DPY19L2: variants seen among roughly 807,000 people sequenced by gnomAD.
The protein encoded by DPY19L2 is probable C-mannosyltransferase DPY19L2.
In DPY19L2, 34 loss-of-function variants were observed where a neutral mutation model predicts 97.9. That is an observed-to-expected ratio of 0.35 (90% CI 0.26 to 0.46). The LOEUF is 0.46. DPY19L2 is among the 20% of genes least tolerant of loss of function. DPY19L2 has a pLI of 1.00. For missense variants in DPY19L2, 623 were observed against 911.4 expected, an observed-to-expected ratio of 0.68 and a Z score of 4.07; for synonymous variants, 230 against 307.9, an observed-to-expected ratio of 0.75 and a Z score of 2.65.
intron 4 of DPY19L2, among the ~76,000 whole-genome samples, chr12:63,647,582 T>C (rs1893595069): frequency 6.6e-6 from 1 of 152,142 alleles, no homozygotes; most frequent in Non-Finnish European, 1.5e-5. Flanking sequence ...TAAAAAGCTT[T>C]ATAGATTCAA....
intron 15 of DPY19L2, among the ~76,000 whole-genome samples, chr12:63,595,066 G>C (rs372728756): frequency 1.3e-5 from 2 of 152,182 alleles, no homozygotes. Context: ...CAGAGATGTC[G>C]AGGGAGATAC....
rs189355971 is a variant in DPY19L2, at chr12:63,591,580, C to T, written c.1580+2507G>A. Among the ~76,000 whole-genome samples, 260 of 152,100 alleles carry T rather than the reference C, an allele frequency of 1.7e-3. 1 individual carries two copies. Among genetic ancestry groups the T allele is most frequent in the African/African-American group, 5.4e-3 (226 of 41,476 alleles). ...GCAATTTACTTATGTGTGACTGATA[C>T]GATACATTTTGCTGGCATCTGCTTA... On this transcript the variant is annotated intron_variant, in intron 16 of 21. Transcript: ENST00000324472.
intron 16 of DPY19L2, among the ~76,000 whole-genome samples, chr12:63,587,945 T>C (rs192732559): frequency 0.022 from 3,378 of 152,250 alleles, 85 homozygotes; most frequent in African/African-American, 0.057. Flanking sequence ...AATCACAGAC[T>C]ACACAGAAAT....
intron 1 of DPY19L2, 133 bp from the exon 2 acceptor site, chr12:63,665,992 G>A (rs749756310): frequency 2.3e-6 from 2 of 856,620 alleles, no homozygotes; most frequent in Non-Finnish European, 3.5e-6. Context: ...AGCTAATCCT[G>A]TCTCTAAGAG....
At position 63,597,836 on chromosome 12, in the gene DPY19L2, A is replaced by G. The variant is rs1211253902; in HGVS notation, c.1434T>C (p.Ala478=). 6.2e-7 allele frequency: 1 copy of G among 1,610,382 alleles called. No homozygotes were observed. Among genetic ancestry groups the G allele is most frequent in the African/African-American group, 1.3e-5 (1 of 74,744 alleles). The change falls in exon 14 of 22, where the codon GCT becomes GCC. Residue 478 remains alanine (A), a synonymous_variant. Coordinates refer to ENST00000324472, the MANE Select transcript of DPY19L2 (RefSeq NM_173812.5). Reference sequence around the variant, plus strand: ...CTTTTTCCATGAAGTCAAATTCGGGAGCACAGGTATATATTAAAGTATCAA... The same window carrying G: ...CTTTTTCCATGAAGTCAAATTCGGGGGCACAGGTATATATTAAAGTATCAA... The part of the protein sequence containing the change: ...TDFDTLIYTC[A]PEFDFMEKAT...
chr12:63,630,452 G>T (rs1408001203), intron 6 of DPY19L2, among the ~76,000 whole-genome samples: 4 of 151,886 alleles, frequency 2.6e-5, no homozygotes, highest in Admixed American at 2.6e-4. Context: ...AACCAACAAA[G>T]ATCAAAAAAG....
rs1171781654 is a variant in DPY19L2 at position 63,652,319 on chromosome 12, TG to T, written c.589-4955del. Among the ~76,000 whole-genome samples, 11 of 152,302 alleles carry T rather than the reference TG, an allele frequency of 7.2e-5. No homozygotes were observed. In the East Asian group the frequency reaches 2.1e-3, roughly 29 times the overall value. On this transcript the variant is annotated intron_variant, in intron 4 of 21. Coordinates refer to ENST00000324472, the MANE Select transcript of DPY19L2 (RefSeq NM_173812.5). Reference sequence around the variant, plus strand: ...AGAAAAGGGGATGCTTATACACTGCTGGTGGGAATGTAAACTAGTTCAAACA... The same window carrying T: ...AGAAAAGGGGATGCTTATACACTGCTGTGGGAATGTAAACTAGTTCAAACA...
intron 2 of DPY19L2, 101 bp from the exon 3 acceptor site, chr12:63,663,946 T>TATA (rs35480058): frequency 0.15 from 114,883 of 745,524 alleles, 10,577 homozygotes; most frequent in East Asian, 0.33. Context: ...AATAAATTGT[T>TATA]ATATTAATTT....
chr12:63,597,721 T>C lies in DPY19L2; in HGVS notation c.1461+88A>G. ...AAAAATATAAAATAAGTTGACTGTT[T>C]CTGAGCAAAAATTTTGAGTTTCAGA... On this transcript the variant is annotated intron_variant, in intron 14 of 21. Coordinates refer to ENST00000324472, the MANE Select transcript of DPY19L2 (RefSeq NM_173812.5). The C allele has an allele frequency of 3.2e-6, 4 of 1,241,554 alleles. No individual in the cohort carries two copies. In the South Asian group the frequency reaches 5.3e-5, roughly 17 times the overall value. The allele number at this position is 1,241,554 out of a possible 1,614,324, so 76.9% of individuals were successfully genotyped here.
At chr12:63,651,657 G>A (rs1356186350) in intron 4 of DPY19L2, 12 of 435,696 alleles carry the variant, frequency 2.8e-5, no homozygotes, top group Non-Finnish European at 5.6e-5. Context: ...TACAGAGACT[G>A]CGCGGTGCAT....
At chr12:63,626,550 C>T (rs7310033) in intron 6 of DPY19L2, 24 bp from the exon 7 acceptor site, 320,466 of 1,209,030 alleles carry the variant, frequency 0.27, 41,097 homozygotes, top group African/African-American at 0.53. Context: ...ACAAAAAAAA[C>T]AGAGAATACA....
In DPY19L2 at chr12:63,668,138, G is replaced by T; in HGVS notation, c.256C>A (p.Arg86Ser). The T allele has an allele frequency of 6.2e-7, 1 of 1,613,948 alleles. No homozygotes were observed. Among genetic ancestry groups the T allele is most frequent in the Non-Finnish European group, 8.5e-7 (1 of 1,179,966 alleles). ...TFLLGPFQFVRNSLAQLREKV... is the reference protein window; with the variant it reads ...TFLLGPFQFVSNSLAQLREKV... ...TCCCGGAGCTGCGCCAGGGAATTAC[G>T]GACGAACTGGAAGGGGCCGAGAAGA... Residue 86 changes from arginine to serine, a missense_variant, in exon 1 of 22, where the codon CGT becomes AGT. By Grantham distance (110) the Arg-to-Ser change is moderately radical. This residue lies in a region of DPY19L2 where 144 missense variants were observed against 119.4 expected (regional missense o/e 1.21). Coordinates refer to ENST00000324472, the MANE Select transcript of DPY19L2 (RefSeq NM_173812.5).
intron 6 of DPY19L2, among the ~76,000 whole-genome samples, chr12:63,629,445 C>A (rs866267840): frequency 6.6e-6 from 1 of 152,070 alleles, no homozygotes; most frequent in South Asian, 2.1e-4. Context: ...CCAATTCGAT[C>A]AACTGGAAGA....
At chr12:63,594,861 C>G (rs1307549308) in intron 15 of DPY19L2, among the ~76,000 whole-genome samples, 2 of 152,122 alleles carry the variant, frequency 1.3e-5, no homozygotes, top group African/African-American at 4.8e-5. Flanking sequence ...CTAAGTGGAG[C>G]CTTAGAAGAA....
At chr12:63,658,281 G>T (rs987174973) in intron 4 of DPY19L2, among the ~76,000 whole-genome samples, 5 of 152,138 alleles carry the variant, frequency 3.3e-5, no homozygotes, top group African/African-American at 1.2e-4. Flanking sequence ...GATCACTGGA[G>T]GCCAGGAGTT....
intron 19 of DPY19L2, among the ~76,000 whole-genome samples, chr12:63,577,301 C>T (rs1880028316): frequency 6.6e-6 from 1 of 152,060 alleles, no homozygotes; most frequent in Non-Finnish European, 1.5e-5. Context: ...GGATTAAAGC[C>T]TTAAATCTAA....
rs1420392041 is a variant in DPY19L2 at position 63,663,711 on chromosome 12, C to T, written c.450+47G>A. 4.7e-6 allele frequency: 7 copies of T among 1,495,056 alleles called. No homozygotes were observed. The East Asian group carries it at 6.9e-5, about 15-fold the overall frequency. 92.6% of individuals were successfully genotyped at this position (1,495,056 alleles called of 1,614,324 possible). A position where few individuals can be genotyped will look rare whatever the true frequency, so the allele number is the denominator to read the frequency against. ...CTAATACATTTCTACCTCATAGTCT[C>T]GCTATTCTTAAACCACAAATTAATT... is the stretch of plus-strand genomic sequence containing the variant. On this transcript the variant is annotated intron_variant, in intron 3 of 21. Transcript: ENST00000324472.
chr12:63,635,279 A>G (rs192931260), intron 6 of DPY19L2, among the ~76,000 whole-genome samples: 2 of 152,132 alleles, frequency 1.3e-5, no homozygotes, highest in African/African-American at 2.4e-5. Flanking sequence ...AATCCCATCT[A>G]TACGTCACCA....
chr12:63,662,588 C>T (rs1051228310), intron 3 of DPY19L2, among the ~76,000 whole-genome samples: 2 of 152,030 alleles, frequency 1.3e-5, no homozygotes, highest in African/African-American at 2.4e-5. Context: ...CCCTAAACCC[C>T]TCTAAGGTTG....
Sources: allele counts gnomAD v4.1 joint callset (sites outside exome capture counted in the v4.1 genomes callset), GRCh38; gene constraint gnomAD v4.1.1; regional missense constraint gnomAD v4.1.1; transcripts MANE v1.5; gene names NCBI Gene and HGNC (gene_info 2026-07-23, HGNC 2026-07-21).